The following C22orf23 variants were observed in gnomAD, a reference collection of about 807,000 sequenced individuals.
C22orf23 encodes the protein UPF0193 protein EVG1.
C22orf23 carries 30 observed loss-of-function variants against 29.7 expected under a neutral mutation model. The observed-to-expected ratio is 1.01, with a 90% CI of 0.76 to 1.37. The LOEUF (loss-of-function observed/expected upper bound fraction) is 1.37, where lower values mean the gene tolerates loss of function less well. C22orf23 is among the 40% of genes most tolerant of loss of function. The probability of loss-of-function intolerance (pLI) is 0.00; values close to 1 mark genes in which losing one functional copy is unlikely to be tolerated. For missense variants in C22orf23, 237 were observed against 273.1 expected (o/e 0.87, Z 0.93); for synonymous variants, 90 against 96.1 (o/e 0.94, Z 0.37).
chr22:37,949,623 T>C (rs553806872), intron 3 of C22orf23, among the ~76,000 whole-genome samples: 1 of 151,868 alleles, frequency 6.6e-6, no homozygotes, highest in South Asian at 2.1e-4. Flanking sequence ...CACACCTGGC[T>C]AATTTTTGTA....
chr22:37,950,992 C>G (rs957721451), intron 3 of C22orf23: 1 of 154,604 alleles, frequency 6.5e-6, no homozygotes, highest in East Asian at 1.9e-4. Flanking sequence ...GTGGGCGGAT[C>G]ATGAGGTCAG....
At chr22:37,951,554 G>A in intron 2 of C22orf23, 32 bp from the exon 3 acceptor site, 1 of 1,606,544 alleles carries the variant, frequency 6.2e-7, no homozygotes, top group Non-Finnish European at 8.5e-7. Context: ...GAGGCCTCTT[G>A]GGCTGCAGGC....
chr22:37,945,494 C>CTTTT (rs369277812), intron 4 of C22orf23, among the ~76,000 whole-genome samples: 108 of 129,100 alleles, frequency 8.4e-4, no homozygotes, highest in African/African-American at 2.9e-3. Context: ...TTTTTTTCTT[C>CTTTT]TTTTTTTTTT....
At chr22:37,947,582 C>T in intron 3 of C22orf23, 119 bp from the exon 4 acceptor site, 5 of 783,160 alleles carry the variant, frequency 6.4e-6, no homozygotes, top group East Asian at 3.2e-5. Flanking sequence ...GCGATCTCGG[C>T]TTACTGCAAC....
chr22:37,948,865 A>G (rs769642227), intron 3 of C22orf23, among the ~76,000 whole-genome samples: 8 of 152,282 alleles, frequency 5.3e-5, no homozygotes, highest in Admixed American at 2.0e-4. Flanking sequence ...ACATTTTTTC[A>G]TGGACATCTG....
chr22:37,947,286 G>T lies in C22orf23; in HGVS notation c.344C>A (p.Ala115Asp). ...AYSREQFKPQ[A>D]TRDLEKEKQR... ...TAGCTGAGACCCTCACTTACTGGTG[G>T]CTTGAGGCTTGAACTGCTCCCGGCT... The change falls in exon 4 of 7, where the codon GCC becomes GAC. Residue 115 changes from alanine (A) to aspartate (D), a missense_variant. Transcript: ENST00000403305. 3 of 1,613,982 alleles carry T rather than the reference G, an allele frequency of 1.9e-6. No individual in the cohort carries two copies. Among genetic ancestry groups the T allele is most frequent in the Non-Finnish European group, 2.5e-6 (3 of 1,179,994 alleles).
Position 37,945,005 on chromosome 22 carries a change from C to A in C22orf23, c.481+37G>T. ...ATTCTGGGCCCCCTCCTCACATTAC[C>A]CCCACCCCCAGCATGACTGGTCCGT... is the stretch of plus-strand genomic sequence containing the variant. On this transcript the variant is annotated intron_variant, in intron 5 of 6. Transcript: ENST00000403305. 4 of 1,558,670 alleles carry A rather than the reference C, an allele frequency of 2.6e-6. 1 individual carries two copies. Among genetic ancestry groups the A allele is most frequent in the South Asian group, 2.5e-5 (2 of 81,000 alleles).
rs757827621 is a variant in C22orf23, at chr22:37,943,323, G to A, written c.*852C>T. 1.3e-5 allele frequency: 2 copies of A among 152,220 alleles called. No individual in the cohort carries two copies. The highest frequency in any genetic ancestry group is 2.9e-5 in the Non-Finnish European group (2 of 68,114). The allele number at this position is 152,220 out of a possible 1,614,324, so 9.4% of individuals were successfully genotyped here. On this transcript the variant is annotated 3_prime_UTR_variant, in exon 7 of 7. Transcript: ENST00000403305. ...AGCTGGTGGGTTTTGCCCAAGAAAG[G>A]TCACGCGGCACATGCAGGGATTGGA...
In C22orf23 at chr22:37,944,252, A is replaced by C. The variant is rs759708562; in HGVS notation, c.583-6T>G. The C allele has an allele frequency of 6.2e-7, 1 of 1,614,214 alleles. No homozygotes were observed. Among genetic ancestry groups the C allele is most frequent in the Non-Finnish European group, 8.5e-7 (1 of 1,180,034 alleles). On this transcript the variant is annotated splice_region_variant and splice_polypyrimidine_tract_variant and intron_variant, in intron 6 of 6. Transcript: ENST00000403305. ...TCTTCCATTTCCCGGAGTTTCTGCA[A>C]AGGGCATCAGGGAAAGCAGGTGTAT...
chr22:37,943,792 G>A lies in C22orf23; in HGVS notation c.*383C>T, dbSNP rs967353066. On this transcript the variant is annotated 3_prime_UTR_variant, in exon 7 of 7. Coordinates refer to ENST00000403305, the MANE Select transcript of C22orf23 (RefSeq NM_032561.5). ...TTGTGGTTGAATACTTGCCTAAGGC[G>A]GTAAGAAATCAAATAAGTAAATCCT... 1.2e-4 allele frequency: 29 copies of A among 241,346 alleles called. No individual in the cohort carries two copies. The highest frequency in any genetic ancestry group is 5.7e-4 in the African/African-American group (26 of 45,258). The allele number at this position is 241,346 out of a possible 1,614,324, so 15.0% of individuals were successfully genotyped here. A position where few individuals can be genotyped will look rare whatever the true frequency, so the allele number is the denominator to read the frequency against.
At chr22:37,944,320 G>T in intron 6 of C22orf23, 74 bp from the exon 7 acceptor site, 1 of 1,613,568 alleles carries the variant, frequency 6.2e-7, no homozygotes, top group Non-Finnish European at 8.5e-7. Flanking sequence ...GTGAGCTAGA[G>T]CCTGACCCCT....
At chr22:37,944,623 G>C in intron 5 of C22orf23, 106 bp from the exon 6 acceptor site, 3 of 998,234 alleles carry the variant, frequency 3.0e-6, no homozygotes, top group Non-Finnish European at 4.5e-6. Context: ...TTTCTAGGCC[G>C]GGCGCGGTGG....
At chr22:37,944,604 C>CA in intron 5 of C22orf23, 87 bp from the exon 6 acceptor site, 1 of 1,209,870 alleles carries the variant, frequency 8.3e-7, no homozygotes, top group Non-Finnish European at 1.2e-6. Flanking sequence ...GTTCTATTGT[C>CA]AAATAGTGTT....
intron 3 of C22orf23, among the ~76,000 whole-genome samples, chr22:37,949,698 A>G (rs1307153479): frequency 6.6e-6 from 1 of 151,670 alleles, no homozygotes; most frequent in Non-Finnish European, 1.5e-5. Flanking sequence ...ACTTTGGGTG[A>G]TCTGCCTGTC....
chr22:37,944,022 A>C lies in C22orf23; in HGVS notation c.*153T>G. 1 of 712,778 alleles carries C rather than the reference A, an allele frequency of 1.4e-6. No homozygotes were observed. The highest frequency in any genetic ancestry group is 2.5e-6 in the Non-Finnish European group (1 of 397,428). The allele number at this position is 712,778 out of a possible 1,614,324, so 44.2% of individuals were successfully genotyped here. On this transcript the variant is annotated 3_prime_UTR_variant, in exon 7 of 7. Coordinates refer to ENST00000403305, the MANE Select transcript of C22orf23 (RefSeq NM_032561.5). ...TTCCGGGGCAGGGGCTAGGCTGCTG[A>C]GTATGCCTTGGGGTACTGCAGGGCA...
intron 3 of C22orf23, among the ~76,000 whole-genome samples, chr22:37,948,809 C>G (rs1357591068): frequency 6.6e-6 from 1 of 152,116 alleles, no homozygotes; most frequent in Non-Finnish European, 1.5e-5. Context: ...CTTTCAAACA[C>G]TGGATCGTAC....
At chr22:37,948,778 G>T (rs945933485) in intron 3 of C22orf23, among the ~76,000 whole-genome samples, 1 of 152,172 alleles carries the variant, frequency 6.6e-6, no homozygotes, top group Non-Finnish European at 1.5e-5. Context: ...CATGTTCAAA[G>T]ATATATGTGC....
rs1045665233 is a variant in C22orf23 at position 37,953,573 on chromosome 22, A to G, written c.-135T>C. 13 of 592,010 alleles carry G rather than the reference A, an allele frequency of 2.2e-5. 1 individual carries two copies. The South Asian group carries it at 2.8e-4, about 13-fold the overall frequency. The allele number at this position is 592,010 out of a possible 1,614,324, so 36.7% of individuals were successfully genotyped here. On this transcript the variant is annotated 5_prime_UTR_variant, in exon 1 of 7. Transcript: ENST00000403305. ...AATACTGCGCGATCTGGGCTGCTGG[A>G]GCTGGCAGCTAGCGCCTCTCGCTAC...
intron 3 of C22orf23, 23 bp from the exon 4 acceptor site, chr22:37,947,486 G>T: frequency 6.7e-7 from 1 of 1,487,628 alleles, no homozygotes; most frequent in East Asian, 2.5e-5. Context: ...GAGTTGGGGT[G>T]GGAGGACCCA....
Sources: gnomAD v4.1 joint callset for allele counts (sites outside exome capture counted in the v4.1 genomes callset) on GRCh38, gnomAD v4.1.1 for gene constraint, MANE v1.5 for transcripts, NCBI Gene and HGNC (gene_info 2026-07-23, HGNC 2026-07-21) for gene names.